Variants in API5 observed in about 807,000 individuals in gnomAD.
API5 encodes FIF.
In API5, 6 loss-of-function variants were observed where a neutral mutation model predicts 71.9. The observed-to-expected ratio is 0.08, with a 90% CI of 0.05 to 0.16. The LOEUF (loss-of-function observed/expected upper bound fraction) is 0.16. Ranked by LOEUF, API5 falls within the 10% of genes least tolerant of loss-of-function variation. The probability of loss-of-function intolerance (pLI) is 1.00; values close to 1 mark genes in which losing one functional copy is unlikely to be tolerated. For synonymous variants in API5, 189 were observed against 221.3 expected (o/e 0.85, Z 1.30); for missense variants, 332 against 612.8 (o/e 0.54, Z 4.84).
At chr11:43,341,105 C>G (rs1466224929) in intron 13 of API5, among the ~76,000 whole-genome samples, 2 of 152,068 alleles carry the variant, frequency 1.3e-5, no homozygotes, top group East Asian at 1.9e-4. Context: ...TAAAAATGGG[C>G]AAATCATCTG....
intron 4 of API5, 118 bp from the exon 5 acceptor site, chr11:43,321,867 A>G: frequency 9.9e-7 from 1 of 1,013,338 alleles, no homozygotes; most frequent in South Asian, 1.9e-5. Flanking sequence ...AGTAATGAGG[A>G]TGATATTTGG....
chr11:43,328,223 G>GT (rs1041219638), intron 8 of API5, among the ~76,000 whole-genome samples: 1 of 152,124 alleles, frequency 6.6e-6, no homozygotes, highest in African/African-American at 2.4e-5. Context: ...AACTTACTGG[G>GT]TTGTTATAGC....
rs182950855 is a variant in API5, at chr11:43,329,588, G to A, written c.1128-377G>A. On this transcript the variant is annotated intron_variant, in intron 9 of 13. Coordinates refer to ENST00000531273, the MANE Select transcript of API5 (RefSeq NM_001142930.2). The stretch of plus-strand genomic sequence containing the variant: ...CTTTTAGCATGGTGCCTGGCAAATA[G>A]TAGGTATTAGTAAACTGTAGCTGTT... Among the ~76,000 whole-genome samples, 22 of 152,348 alleles carry A rather than the reference G, an allele frequency of 1.4e-4. No individual in the cohort carries two copies. In the East Asian group the frequency reaches 4.2e-3, roughly 29 times the overall value.
intron 13 of API5, among the ~76,000 whole-genome samples, 173 bp from the exon 14 acceptor site, chr11:43,342,255 A>G (rs1161769630): frequency 6.6e-6 from 1 of 152,122 alleles, no homozygotes; most frequent in Non-Finnish European, 1.5e-5. Flanking sequence ...GCTTCAGTAT[A>G]TATGTTGTTC....
intron 5 of API5, among the ~76,000 whole-genome samples, chr11:43,322,470 A>G (rs1231753891): frequency 6.6e-6 from 1 of 152,100 alleles, no homozygotes; most frequent in Non-Finnish European, 1.5e-5. Flanking sequence ...ATACTCTCTC[A>G]TAGTATTCTA....
chr11:43,328,272 T>TGAG (rs1855140466), intron 8 of API5, among the ~76,000 whole-genome samples: 2 of 152,264 alleles, frequency 1.3e-5, no homozygotes, highest in Admixed American at 1.3e-4. Context: ...TCACTTGTAA[T>TGAG]GAGTCAGTAC....
intron 6 of API5, among the ~76,000 whole-genome samples, chr11:43,324,596 A>C (rs1005694301): frequency 6.6e-6 from 1 of 152,202 alleles, no homozygotes. Context: ...CTACAAAAAA[A>C]ATTAAGTAAT....
rs763210680 is a variant in API5, at chr11:43,330,074, C to A, written c.1221+16C>A. 4 of 1,599,294 alleles carry A rather than the reference C, an allele frequency of 2.5e-6. No homozygotes were observed. The highest frequency in any genetic ancestry group is 3.4e-6 in the Non-Finnish European group (4 of 1,167,048). On this transcript the variant is annotated intron_variant, in intron 10 of 13. Coordinates refer to ENST00000531273, the MANE Select transcript of API5 (RefSeq NM_001142930.2). ...AACAGAAGAGGTAAGAATACTGGCTCACATTTCATAAACTGCTAGTTCCAT... is the reference window on the plus strand; with the variant it reads ...AACAGAAGAGGTAAGAATACTGGCTAACATTTCATAAACTGCTAGTTCCAT...
At chr11:43,336,613 A>G (rs1158944753) in intron 13 of API5, among the ~76,000 whole-genome samples, 10 of 152,184 alleles carry the variant, frequency 6.6e-5, no homozygotes, top group Non-Finnish European at 1.3e-4. Flanking sequence ...CGGCTGTCGA[A>G]TCAAAAGTAA....
chr11:43,335,911 C>T lies in API5; in HGVS notation c.1409C>T (p.Ser470Leu). Residue 470 changes from serine to leucine, a missense_variant, in exon 13 of 14, where the codon TCA becomes TTA. Ser to Leu is a moderately radical substitution (Grantham distance 145, BLOSUM62 -2). Transcript: ENST00000531273. ...TTSGSPPKKS[S>L]AGPKRDARQI... ...TCAGGTTCACCACCCAAGAAATCTT[C>T]AGCAGGACCAAAAAGAGATGCCAGG... 6.2e-7 allele frequency: 1 copy of T among 1,613,826 alleles called. No individual in the cohort carries two copies. The highest frequency in any genetic ancestry group is 8.5e-7 in the Non-Finnish European group (1 of 1,179,956).
At chr11:43,337,108 G>A (rs1350482707) in intron 13 of API5, among the ~76,000 whole-genome samples, 1 of 151,244 alleles carries the variant, frequency 6.6e-6, no homozygotes, top group African/African-American at 2.4e-5. Flanking sequence ...AGGATCACTT[G>A]AGCCCAAGAG....
rs777710503 is a variant in API5, at chr11:43,323,477, A to G, written c.591A>G (p.Ile197Met). 1.9e-6 allele frequency: 3 copies of G among 1,614,148 alleles called. No individual in the cohort carries two copies. Among genetic ancestry groups the G allele is most frequent in the Non-Finnish European group, 2.5e-6 (3 of 1,180,002 alleles). The change falls in exon 6 of 14, where the codon ATA (isoleucine) becomes ATG (methionine). Residue 197 changes from isoleucine (I) to methionine (M), a missense_variant. Physicochemically the swap from Ile to Met is conservative, Grantham distance 10. Coordinates refer to ENST00000531273, the MANE Select transcript of API5 (RefSeq NM_001142930.2). ...TGEEFVLFMK[I>M]LSGLKSLQTV... ...AAGAATTTGTTCTATTTATGAAGAT[A>G]CTGTCTGGGTTAAAAAGCTTACAGA...
At chr11:43,323,673 T>G in intron 6 of API5, 37 bp downstream of exon 6, 1 of 1,571,044 alleles carries the variant, frequency 6.4e-7, no homozygotes, top group Non-Finnish European at 8.7e-7. Flanking sequence ...GTATTAGCTA[T>G]ATATATATTT....
intron 1 of API5, among the ~76,000 whole-genome samples, chr11:43,318,009 T>G (rs554639552): frequency 8.4e-4 from 116 of 138,258 alleles, no homozygotes; most frequent in Non-Finnish European, 1.4e-3. Flanking sequence ...TTGTTTGTTT[T>G]GTTTTGTTTT....
At chr11:43,322,242 A>C in intron 5 of API5, 106 bp downstream of exon 5, 10 of 1,120,486 alleles carry the variant, frequency 8.9e-6, no homozygotes, top group Non-Finnish European at 1.2e-5. Context: ...AAAATGATAT[A>C]TCATATATCC....
At chr11:43,323,272 A>G (rs1854957017) in intron 5 of API5, among the ~76,000 whole-genome samples, 158 bp from the exon 6 acceptor site, 1 of 152,226 alleles carries the variant, frequency 6.6e-6, no homozygotes, top group African/African-American at 2.4e-5. Context: ...CTGAAGCTCA[A>G]TTGACTGAAG....
rs909792066 is a variant in API5, at chr11:43,318,742, G to C, written c.172G>C (p.Glu58Gln). The change falls in exon 2 of 14, where the codon GAA (glutamate) becomes CAA (glutamine). Residue 58 changes from glutamate to glutamine, a missense_variant. Physicochemically the swap from Glu to Gln is conservative, Grantham distance 29. This residue lies in a region of API5 where 127 missense variants were observed against 237.6 expected (regional missense o/e 0.53). Coordinates refer to ENST00000531273, the MANE Select transcript of API5 (RefSeq NM_001142930.2). ...TCCGAAATTCTTTAAGCATTTTCCA[G>C]AATTGGCTGATTCTGCTATCAATGC... ...FIPKFFKHFP[E>Q]LADSAINAQL... The C allele has an allele frequency of 1.2e-6, 2 of 1,613,860 alleles. No homozygotes were observed. The highest frequency in any genetic ancestry group is 1.7e-6 in the Non-Finnish European group (2 of 1,179,996).
chr11:43,332,504 T>C (rs532918938), intron 11 of API5, among the ~76,000 whole-genome samples: 15 of 152,142 alleles, frequency 9.9e-5, no homozygotes, highest in South Asian at 2.1e-4. Context: ...CACTTACTTA[T>C]GTTTACTGGT....
chr11:43,324,919 T>C (rs1020752829), intron 6 of API5, among the ~76,000 whole-genome samples: 1 of 152,046 alleles, frequency 6.6e-6, no homozygotes, highest in Non-Finnish European at 1.5e-5. Flanking sequence ...GTTCAGGCAA[T>C]CCACCTGCCT....
Sources: allele counts gnomAD v4.1 joint callset (sites outside exome capture counted in the v4.1 genomes callset), GRCh38; gene constraint gnomAD v4.1.1; regional missense constraint gnomAD v4.1.1; transcripts MANE v1.5; gene names NCBI Gene and HGNC (gene_info 2026-07-23, HGNC 2026-07-21).